Variants in RARB observed in about 807,000 individuals in gnomAD.
The protein encoded by RARB is retinoic acid receptor beta.
In RARB, 17 loss-of-function variants were observed where a neutral mutation model predicts 51.9. The observed-to-expected ratio is 0.33, with a 90% CI of 0.22 to 0.49. The LOEUF (loss-of-function observed/expected upper bound fraction) is 0.49, where lower values mean the gene tolerates loss of function less well. Among genes scored for constraint, RARB ranks in the 20% least tolerant of loss-of-function variants. The pLI is 0.99. For missense variants in RARB, 369 were observed against 550.8 expected, an observed-to-expected ratio of 0.67 and a Z score of 3.30; for synonymous variants, 215 against 195.4, an observed-to-expected ratio of 1.10 and a Z score of -0.84.
intron 5 of RARB, among the ~76,000 whole-genome samples, chr3:25,409,994 G>C (rs1286953272): frequency 6.6e-6 from 1 of 152,166 alleles, no homozygotes; most frequent in East Asian, 1.9e-4. Context: ...CATTGCTTTA[G>C]ATCTTGACAA....
intron 5 of RARB, among the ~76,000 whole-genome samples, chr3:25,209,275 C>G (rs147936126): frequency 1.2e-3 from 178 of 152,324 alleles, no homozygotes; most frequent in African/African-American, 4.2e-3. Flanking sequence ...CACTCCTCCT[C>G]TTTGTTGTTT....
chr3:25,298,623 T>C (rs1703971364), intron 5 of RARB, among the ~76,000 whole-genome samples: 2 of 152,264 alleles, frequency 1.3e-5, no homozygotes, highest in East Asian at 3.9e-4. Flanking sequence ...ACACTAGCTT[T>C]GGGGATTCCA....
chr3:25,539,532 C>CTCT (rs750401243), intron 3 of RARB, among the ~76,000 whole-genome samples: 14 of 102,386 alleles, frequency 1.4e-4, no homozygotes, highest in African/African-American at 5.2e-4. Context: ...CTCTCTCTCT[C>CTCT]TTTTTTTTTT....
intron 4 of RARB, among the ~76,000 whole-genome samples, chr3:25,136,703 G>T (rs1039180246): frequency 6.6e-6 from 1 of 151,908 alleles, no homozygotes; most frequent in Non-Finnish European, 1.5e-5. Flanking sequence ...TAACTGGGAG[G>T]GAAGATGATT....
At chr3:24,863,714 T>G (rs139207444) in intron 2 of RARB, among the ~76,000 whole-genome samples, 57 of 152,222 alleles carry the variant, frequency 3.7e-4, no homozygotes, top group African/African-American at 1.3e-3. Context: ...TTGACTTTTT[T>G]TTTTTTTTAA....
chr3:25,356,977 G>A (rs964423022), intron 5 of RARB, among the ~76,000 whole-genome samples: 1 of 152,072 alleles, frequency 6.6e-6, no homozygotes, highest in Non-Finnish European at 1.5e-5. Context: ...ATAAACATAC[G>A]TGTGCATGTG....
rs543065322 is a variant in RARB, at chr3:25,508,268, A to G, written c.448+6945A>G. On this transcript the variant is annotated intron_variant, in intron 3 of 7. Coordinates refer to ENST00000330688, the MANE Select transcript of RARB (RefSeq NM_000965.5). ...CTTTTCATAAAGTCTCTAAATTCCA[A>G]TTTATACTTTAGACATGAACGTCCC... Among the ~76,000 whole-genome samples the G allele has an allele frequency of 3.0e-4, 46 of 152,290 alleles. No individual in the cohort carries two copies. In the South Asian group the frequency reaches 7.3e-3, roughly 24 times the overall value.
At chr3:25,399,391 G>T (rs554498457) in intron 5 of RARB, among the ~76,000 whole-genome samples, 16 of 152,146 alleles carry the variant, frequency 1.1e-4, no homozygotes, top group Admixed American at 9.2e-4. Flanking sequence ...ACACAGTCTG[G>T]ACCACCTAGA....
intron 1 of RARB, among the ~76,000 whole-genome samples, chr3:25,446,380 C>T (rs1262939627): frequency 1.3e-5 from 2 of 152,216 alleles, no homozygotes; most frequent in Admixed American, 6.5e-5. Context: ...TATACATTTA[C>T]ATTTTGTCTG....
chr3:25,481,502 A>C (rs1696223819), intron 2 of RARB, among the ~76,000 whole-genome samples: 1 of 152,248 alleles, frequency 6.6e-6, no homozygotes, highest in Non-Finnish European at 1.5e-5. Context: ...TTATAACCTA[A>C]AAGGCAGATC....
chr3:25,364,050 T>A (rs1706037352), intron 5 of RARB, among the ~76,000 whole-genome samples: 1 of 152,228 alleles, frequency 6.6e-6, no homozygotes, highest in Non-Finnish European at 1.5e-5. Flanking sequence ...CTCCTAGCAT[T>A]TCTGATTCTC....
chr3:24,892,220 GAA>G (rs35087864), intron 2 of RARB, among the ~76,000 whole-genome samples: 8,845 of 135,534 alleles, frequency 0.065, 409 homozygotes, highest in East Asian at 0.16. Flanking sequence ...TGCCCTCTTA[GAA>G]AAAAAAAAAA....
chr3:25,596,555 C>T lies in RARB; in HGVS notation c.1286C>T (p.Pro429Leu). 2.5e-6 allele frequency: 4 copies of T among 1,613,952 alleles called. No individual in the cohort carries two copies. The highest frequency in any genetic ancestry group is 3.4e-6 in the Non-Finnish European group (4 of 1,179,852). The change falls in exon 8 of 8, where the codon CCT (proline) becomes CTT (leucine). Residue 429 changes from proline to leucine, a missense_variant. Transcript: ENST00000330688. Reference protein sequence around the residue: ...SSSGNTAEHSPSISPSSVENS... With the variant: ...SSSGNTAEHSLSISPSSVENS... ...AGTGGGAACACAGCAGAGCACAGTC[C>T]TAGCATCTCACCCAGCTCAGTGGAA...
intron 2 of RARB, among the ~76,000 whole-genome samples, chr3:24,971,731 G>T (rs1471056518): frequency 1.3e-5 from 2 of 151,940 alleles, no homozygotes; most frequent in African/African-American, 4.8e-5. Context: ...ATTTTTATTA[G>T]CATAACTTGG....
chr3:24,874,897 C>G (rs1433608107), intron 2 of RARB, among the ~76,000 whole-genome samples: 2 of 152,012 alleles, frequency 1.3e-5, no homozygotes, highest in Non-Finnish European at 2.9e-5. Context: ...CTCTACTACA[C>G]TAAAAGTTAT....
chr3:24,892,706 TCTTAGTGTAAGAGTC>T (rs1283238781), intron 2 of RARB, among the ~76,000 whole-genome samples: 1 of 152,196 alleles, frequency 6.6e-6, no homozygotes, highest in African/African-American at 2.4e-5. Context: ...AGAATGTAAT[TCTTAGTGTAAGAGTC>T]AGTCATTACC....
intron 3 of RARB, among the ~76,000 whole-genome samples, chr3:25,119,396 G>C (rs756682600): frequency 6.6e-6 from 1 of 152,216 alleles, no homozygotes; most frequent in Non-Finnish European, 1.5e-5. Flanking sequence ...TTTGTCAACT[G>C]TAAGATGAAT....
chr3:25,413,653 T>A (rs1256524213), intron 5 of RARB, among the ~76,000 whole-genome samples: 1 of 151,862 alleles, frequency 6.6e-6, no homozygotes, highest in African/African-American at 2.4e-5. Flanking sequence ...GTATCTTGTT[T>A]TTTGTTTTTT....
chr3:25,295,096 C>G (rs1703886047), intron 5 of RARB, among the ~76,000 whole-genome samples: 1 of 152,154 alleles, frequency 6.6e-6, no homozygotes, highest in African/African-American at 2.4e-5. Flanking sequence ...GTGTAACTCT[C>G]ATATGCTAGA....
Sources: gnomAD v4.1 joint callset for allele counts (sites outside exome capture counted in the v4.1 genomes callset) on GRCh38, gnomAD v4.1.1 for gene constraint, MANE v1.5 for transcripts, NCBI Gene and HGNC (gene_info 2026-07-23, HGNC 2026-07-21) for gene names.